Variants in LUZP2 observed in about 807,000 individuals in gnomAD.
LUZP2 encodes leucine zipper protein 2.
In LUZP2, 52 loss-of-function variants were observed where a neutral mutation model predicts 51.6. The ratio of observed to expected loss-of-function variants is 1.01; its 90% CI spans 0.81 to 1.27. The LOEUF (loss-of-function observed/expected upper bound fraction) is 1.27, where lower values mean the gene tolerates loss of function less well. Ranked by LOEUF, LUZP2 falls within the 50% of genes most tolerant of loss-of-function variation. LUZP2 has a pLI of 0.00. For missense variants in LUZP2, 436 were observed against 395.4 expected (o/e 1.10, Z -0.87); for synonymous variants, 154 against 137.3 (o/e 1.12, Z -0.85).
chr11:24,946,638 T>A (rs1044277613), intron 7 of LUZP2, among the ~76,000 whole-genome samples: 1 of 151,866 alleles, frequency 6.6e-6, no homozygotes, highest in Admixed American at 6.6e-5. Context: ...CCTTCTTTTT[T>A]TTCTAATATT....
chr11:24,894,456 T>G (rs577598142), intron 5 of LUZP2, among the ~76,000 whole-genome samples: 1 of 152,312 alleles, frequency 6.6e-6, no homozygotes, highest in Admixed American at 6.5e-5. Context: ...ATTACAGGCA[T>G]GAGCCACCGT....
At chr11:24,970,743 A>G in intron 7 of LUZP2, among the ~76,000 whole-genome samples, 1 of 152,190 alleles carries the variant, frequency 6.6e-6, no homozygotes, top group East Asian at 1.9e-4. Flanking sequence ...TACTGGTGCT[A>G]TCCTTTAGAA....
chr11:25,051,563 T>G (rs1196982384), intron 10 of LUZP2, among the ~76,000 whole-genome samples: 1 of 152,044 alleles, frequency 6.6e-6, no homozygotes, highest in Non-Finnish European at 1.5e-5. Context: ...GGCAGGAAAA[T>G]ATCACAGCAG....
At chr11:25,041,710 C>G (rs1858065121) in intron 9 of LUZP2, among the ~76,000 whole-genome samples, 2 of 152,114 alleles carry the variant, frequency 1.3e-5, no homozygotes, top group Non-Finnish European at 2.9e-5. Context: ...AGGGATTTTT[C>G]TATGTCAGCC....
At chr11:25,062,064 G>C (rs1389423487) in intron 10 of LUZP2, among the ~76,000 whole-genome samples, 2 of 145,168 alleles carry the variant, frequency 1.4e-5, no homozygotes. Flanking sequence ...CTCAAGAAAA[G>C]GGAAAAAGAA....
intron 5 of LUZP2, among the ~76,000 whole-genome samples, chr11:24,823,945 C>A (rs1389990441): frequency 5.3e-5 from 8 of 151,960 alleles, no homozygotes; most frequent in Non-Finnish European, 1.0e-4. Context: ...TGCCTGTAGT[C>A]CCAGCTATTA....
intron 1 of LUZP2, among the ~76,000 whole-genome samples, chr11:24,660,376 A>G (rs540169731): frequency 6.6e-6 from 1 of 152,336 alleles, no homozygotes; most frequent in Non-Finnish European, 1.5e-5. Context: ...ATCTGCTACA[A>G]CTATAATGTG....
At chr11:25,009,845 C>A (rs190004369) in intron 9 of LUZP2, among the ~76,000 whole-genome samples, 320 of 152,248 alleles carry the variant, frequency 2.1e-3, no homozygotes, top group Non-Finnish European at 4.1e-3. Context: ...ATTAACTCAG[C>A]AGTTAGTACT....
intron 10 of LUZP2, among the ~76,000 whole-genome samples, chr11:25,061,715 T>C (rs1858843330): frequency 6.6e-6 from 1 of 152,172 alleles, no homozygotes; most frequent in African/African-American, 2.4e-5. Flanking sequence ...ATTTGATATT[T>C]TTTCTTTTTT....
intron 4 of LUZP2, among the ~76,000 whole-genome samples, chr11:24,754,962 A>G (rs923467561): frequency 1.1e-4 from 16 of 152,078 alleles, no homozygotes; most frequent in African/African-American, 3.6e-4. Context: ...CCCGACCAAC[A>G]TGGTGAAACC....
intron 5 of LUZP2, among the ~76,000 whole-genome samples, chr11:24,895,317 T>C (rs1310030680): frequency 6.6e-6 from 1 of 152,096 alleles, no homozygotes; most frequent in African/African-American, 2.4e-5. Flanking sequence ...TGAGTATATA[T>C]ATATAAAAAA....
intron 5 of LUZP2, among the ~76,000 whole-genome samples, chr11:24,831,129 A>G (rs989918854): frequency 6.6e-5 from 10 of 152,362 alleles, no homozygotes; most frequent in Non-Finnish European, 1.2e-4. Flanking sequence ...AAAAACACAA[A>G]CAACTGACTA....
At chr11:24,825,043 T>G (rs1041408439) in intron 5 of LUZP2, among the ~76,000 whole-genome samples, 7 of 152,126 alleles carry the variant, frequency 4.6e-5, no homozygotes, top group Non-Finnish European at 1.0e-4. Flanking sequence ...GATCTACATT[T>G]GTGTACACAA....
chr11:24,850,695 A>G (rs528426074), intron 5 of LUZP2, among the ~76,000 whole-genome samples: 1 of 152,174 alleles, frequency 6.6e-6, no homozygotes, highest in African/African-American at 2.4e-5. Flanking sequence ...CACTGAATCT[A>G]TAAATTACTT....
chr11:24,987,886 TATGGGCTTCAAAA>T (rs1856233127), intron 9 of LUZP2, among the ~76,000 whole-genome samples: 2 of 151,908 alleles, frequency 1.3e-5, no homozygotes, highest in African/African-American at 4.8e-5. Context: ...TTCAAATTAT[TATGGGCTTCAAAA>T]ATGCTCACAC....
chr11:24,990,301 A>G (rs10742064), intron 9 of LUZP2, among the ~76,000 whole-genome samples: 78,493 of 151,744 alleles, frequency 0.52, 20,805 homozygotes, highest in African/African-American at 0.58. Flanking sequence ...GTATTTTACA[A>G]TTTATATATA....
chr11:24,560,882 G>A (rs190984639), intron 1 of LUZP2, among the ~76,000 whole-genome samples: 117 of 152,268 alleles, frequency 7.7e-4, no homozygotes, highest in African/African-American at 2.8e-3. Context: ...GATAGCATAG[G>A]AATGGAGTCC....
intron 1 of LUZP2, among the ~76,000 whole-genome samples, chr11:24,700,171 C>T (rs893650472): frequency 1.3e-5 from 2 of 148,698 alleles, no homozygotes; most frequent in Non-Finnish European, 3.0e-5. Context: ...AAGCAAGTCT[C>T]TTGCCTCAGC....
intron 1 of LUZP2, among the ~76,000 whole-genome samples, chr11:24,597,056 T>C (rs907792986): frequency 9.9e-5 from 15 of 152,136 alleles, no homozygotes; most frequent in African/African-American, 3.6e-4. Context: ...AATAAAAGAG[T>C]GCCATTATGA....
Sources: gnomAD v4.1 joint callset for allele counts (sites outside exome capture counted in the v4.1 genomes callset) on GRCh38, gnomAD v4.1.1 for gene constraint, MANE v1.5 for transcripts, NCBI Gene and HGNC (gene_info 2026-07-23, HGNC 2026-07-21) for gene names.